RARB: variants seen among roughly 807,000 people sequenced by gnomAD.
The protein encoded by RARB is retinoic acid receptor beta.
RARB carries 17 observed loss-of-function variants against 51.9 expected under a neutral mutation model. The ratio of observed to expected loss-of-function variants is 0.33; its 90% CI spans 0.22 to 0.49. The LOEUF (loss-of-function observed/expected upper bound fraction) is 0.49, where lower values mean the gene tolerates loss of function less well. RARB is among the 20% of genes least tolerant of loss of function. The probability of loss-of-function intolerance (pLI) is 0.99; values close to 1 mark genes in which losing one functional copy is unlikely to be tolerated. For synonymous variants in RARB, 215 were observed against 195.4 expected, an observed-to-expected ratio of 1.10 and a Z score of -0.84; for missense variants, 369 against 550.8, an observed-to-expected ratio of 0.67 and a Z score of 3.30.
chr3:25,347,497 C>A, intron 5 of RARB, among the ~76,000 whole-genome samples: 1 of 152,260 alleles, frequency 6.6e-6, no homozygotes, highest in East Asian at 1.9e-4. Context: ...CCTTTAGGCA[C>A]CCTTAGATTT....
chr3:25,159,721 A>G lies in RARB; in HGVS notation c.-279-14398A>G, dbSNP rs548124131. ...AACAAAAAGGGGGGCAGGTCTCAGAATGGGAGTGGAGGCCACACAGCCAAG... is the reference window on the plus strand; with the variant it reads ...AACAAAAAGGGGGGCAGGTCTCAGAGTGGGAGTGGAGGCCACACAGCCAAG... On this transcript the variant is annotated intron_variant, in intron 4 of 11. Transcript: ENST00000383772. Among the ~76,000 whole-genome samples the G allele has an allele frequency of 5.9e-5, 9 of 152,262 alleles. No individual in the cohort carries two copies. The East Asian group carries it at 1.4e-3, about 23-fold the overall frequency.
At chr3:25,136,370 T>C (rs1448412832) in intron 4 of RARB, among the ~76,000 whole-genome samples, 1 of 152,038 alleles carries the variant, frequency 6.6e-6, no homozygotes, top group African/African-American at 2.4e-5. Context: ...TTCCCAGCAA[T>C]GGTTGTATAA....
chr3:25,349,264 T>C (rs1480025975), intron 5 of RARB, among the ~76,000 whole-genome samples: 3 of 152,224 alleles, frequency 2.0e-5, no homozygotes, highest in Non-Finnish European at 4.4e-5. Context: ...GCTTTGCTTT[T>C]CCTTTTCCTT....
chr3:25,009,030 G>GA (rs772644649), intron 2 of RARB, among the ~76,000 whole-genome samples: 13 of 152,150 alleles, frequency 8.5e-5, no homozygotes, highest in Non-Finnish European at 1.8e-4. Context: ...CGAAGAAGCA[G>GA]AGTGACCTGC....
intron 5 of RARB, among the ~76,000 whole-genome samples, chr3:25,176,617 A>C (rs1700759856): frequency 6.6e-6 from 1 of 151,504 alleles, no homozygotes; most frequent in South Asian, 2.1e-4. Context: ...AATAGTCTCG[A>C]TCTCTTGACC....
chr3:25,383,791 G>A (rs929022925), intron 5 of RARB, among the ~76,000 whole-genome samples: 30 of 152,126 alleles, frequency 2.0e-4, no homozygotes, highest in Admixed American at 8.5e-4. Context: ...TTAGCCAGGC[G>A]TGGTGGCAGG....
At chr3:25,200,534 T>C (rs1172280913) in intron 5 of RARB, among the ~76,000 whole-genome samples, 5 of 152,170 alleles carry the variant, frequency 3.3e-5, no homozygotes, top group African/African-American at 4.8e-5. Flanking sequence ...ATGTCCTGAA[T>C]GGTATTGCCT....
At chr3:25,545,795 G>A (rs185849391) in intron 3 of RARB, among the ~76,000 whole-genome samples, 10 of 152,238 alleles carry the variant, frequency 6.6e-5, no homozygotes, top group African/African-American at 2.4e-4. Flanking sequence ...GATGTACCAG[G>A]CACTCTTCCG....
chr3:24,942,695 G>A (rs930873246), intron 2 of RARB, among the ~76,000 whole-genome samples: 17 of 151,984 alleles, frequency 1.1e-4, no homozygotes, highest in African/African-American at 2.2e-4. Flanking sequence ...TGTTAAATAC[G>A]CACTATGTTG....
chr3:25,012,397 T>C (rs192385648), intron 2 of RARB, among the ~76,000 whole-genome samples: 23 of 152,200 alleles, frequency 1.5e-4, no homozygotes, highest in East Asian at 1.2e-3. Context: ...AAGGTCTTGA[T>C]TGGGGCAACA....
At chr3:25,033,219 A>G (rs1697910858) in intron 2 of RARB, among the ~76,000 whole-genome samples, 1 of 152,218 alleles carries the variant, frequency 6.6e-6, no homozygotes, top group Admixed American at 6.5e-5. Flanking sequence ...AGAGCTTTCA[A>G]AAGAAACAAG....
intron 2 of RARB, among the ~76,000 whole-genome samples, chr3:25,010,307 A>G (rs1176594584): frequency 1.3e-5 from 2 of 152,120 alleles, no homozygotes; most frequent in South Asian, 2.1e-4. Flanking sequence ...ACTAGTACAA[A>G]TTATAAGAAT....
chr3:25,019,356 GT>G (rs1243320093), intron 2 of RARB, among the ~76,000 whole-genome samples: 1 of 152,150 alleles, frequency 6.6e-6, no homozygotes, highest in East Asian at 1.9e-4. Flanking sequence ...AAAGATAGAG[GT>G]GTGATATGAT....
intron 5 of RARB, among the ~76,000 whole-genome samples, chr3:25,412,891 T>A (rs1360669858): frequency 6.6e-6 from 1 of 152,080 alleles, no homozygotes; most frequent in Non-Finnish European, 1.5e-5. Context: ...TGGTGGCGCA[T>A]GCCTGTAATC....
intron 5 of RARB, among the ~76,000 whole-genome samples, chr3:25,389,542 C>G (rs1368991081): frequency 6.6e-6 from 1 of 152,144 alleles, no homozygotes; most frequent in Admixed American, 6.5e-5. Context: ...ACATGCTGGT[C>G]AGCTCTGCTT....
chr3:25,114,776 A>G (rs2125326659), intron 3 of RARB, among the ~76,000 whole-genome samples: 1 of 152,350 alleles, frequency 6.6e-6, no homozygotes, highest in South Asian at 2.1e-4. Flanking sequence ...GGAAAGCTCT[A>G]ACATGCCAAA....
intron 3 of RARB, among the ~76,000 whole-genome samples, chr3:25,075,876 A>C (rs1698861335): frequency 6.6e-6 from 1 of 152,224 alleles, no homozygotes; most frequent in African/African-American, 2.4e-5. Context: ...AACAAATTGA[A>C]GAGTTATCTC....
At chr3:25,106,434 C>T (rs954321218) in intron 3 of RARB, among the ~76,000 whole-genome samples, 1 of 147,146 alleles carries the variant, frequency 6.8e-6, no homozygotes, top group African/African-American at 2.6e-5. Flanking sequence ...TACCACCATG[C>T]CCAGCTACTG....
intron 5 of RARB, among the ~76,000 whole-genome samples, chr3:25,358,576 C>T (rs1009123888): frequency 4.6e-5 from 7 of 152,114 alleles, no homozygotes; most frequent in African/African-American, 1.4e-4. Context: ...AAAGGGAATC[C>T]TTCCAGGTTT....
Sources: gnomAD v4.1 joint callset for allele counts (sites outside exome capture counted in the v4.1 genomes callset) on GRCh38, gnomAD v4.1.1 for gene constraint, MANE v1.5 for transcripts, NCBI Gene and HGNC (gene_info 2026-07-23, HGNC 2026-07-21) for gene names.